The following CIROP variants were observed in gnomAD, a reference collection of about 807,000 sequenced individuals.
CIROP encodes ciliated left-right organizer metallopeptidase.
the CIROP span, chr14:23,104,746 G>A: frequency 1.4e-6 from 1 of 702,916 alleles, no homozygotes; most frequent in South Asian, 1.5e-5. Flanking sequence ...AGGGGTTGAG[G>A]ATCACGGGAG....
chr14:23,104,408 G>T, the CIROP span: 6 of 702,884 alleles, frequency 8.5e-6, no homozygotes, highest in Non-Finnish European at 1.6e-5. Context: ...GGCTATCTGG[G>T]TCTCCCCAGA....
the CIROP span, chr14:23,100,562 A>C: frequency 2.5e-6 from 1 of 407,246 alleles, no homozygotes. Flanking sequence ...TTTTTTCTGG[A>C]GAGTCAGAGT....
chr14:23,103,342 A>T, the CIROP span: 5 of 367,554 alleles, frequency 1.4e-5, no homozygotes, highest in Non-Finnish European at 2.4e-5. Flanking sequence ...TGAGCCCAAG[A>T]GTTTGAGACA....
the CIROP span, chr14:23,102,015 A>AC: frequency 1.7e-5 from 12 of 699,806 alleles, no homozygotes; most frequent in Non-Finnish European, 3.1e-5. Context: ...AGCAACAGAC[A>AC]CCCCTCCAGC....
At chr14:23,102,772 C>T in the CIROP span, 2 of 700,854 alleles carry the variant, frequency 2.9e-6, no homozygotes, top group Non-Finnish European at 5.2e-6. Flanking sequence ...TGACCAAACA[C>T]TCTATAACCC....
At chr14:23,100,563 G>A in the CIROP span, 5 of 407,100 alleles carry the variant, frequency 1.2e-5, no homozygotes, top group Non-Finnish European at 2.2e-5. Flanking sequence ...TTTTTCTGGA[G>A]AGTCAGAGTC....
the CIROP span, chr14:23,103,736 A>C: frequency 4.9e-4 from 347 of 702,934 alleles, 3 homozygotes; most frequent in South Asian, 4.4e-3. Context: ...AGTGTTTTGG[A>C]CCCCAGGCCC....
chr14:23,101,331 G>A, the CIROP span: 10 of 517,114 alleles, frequency 1.9e-5, no homozygotes, highest in East Asian at 2.1e-4. Context: ...CCCAAGGCGA[G>A]CCCTCCACCT....
chr14:23,103,881 G>T, the CIROP span: 30 of 665,082 alleles, frequency 4.5e-5, no homozygotes, highest in Admixed American at 6.6e-5. Flanking sequence ...TGGGTATGAG[G>T]AGTAGGGGAG....
At chr14:23,101,791 C>T in the CIROP span, 2 of 702,706 alleles carry the variant, frequency 2.8e-6, no homozygotes, top group East Asian at 2.7e-5. Flanking sequence ...GGTAGAGTGA[C>T]ACTAGAATCA....
chr14:23,101,933 AAG>A, the CIROP span: 1 of 701,598 alleles, frequency 1.4e-6, no homozygotes, highest in Non-Finnish European at 2.6e-6. Context: ...ATGAGAAGGA[AAG>A]AGAGCCCTCA....
At chr14:23,101,852 A>G in the CIROP span, 1 of 702,874 alleles carries the variant, frequency 1.4e-6, no homozygotes, top group South Asian at 1.5e-5. Context: ...CTGCCAGTAC[A>G]GAAGAAGTCT....
chr14:23,103,385 A>G, the CIROP span: 1 of 384,944 alleles, frequency 2.6e-6, no homozygotes, highest in Non-Finnish European at 4.6e-6. Context: ...CCCCGTCTCT[A>G]CAAAAAAAAA....
At chr14:23,104,132 C>G in the CIROP span, 1 of 591,416 alleles carries the variant, frequency 1.7e-6, no homozygotes, top group South Asian at 2.1e-5. Context: ...TCTTCCGTCC[C>G]CTTCTTCCCT....
the CIROP span, chr14:23,101,194 T>C: frequency 1.7e-5 from 7 of 416,814 alleles, no homozygotes; most frequent in East Asian, 1.7e-4. Flanking sequence ...TTAGGAAAAC[T>C]GTATGCACAT....
the CIROP span, chr14:23,100,165 A>G: frequency 5.3e-6 from 1 of 189,802 alleles, no homozygotes; most frequent in Non-Finnish European, 1.1e-5. Context: ...GAGGTGGGGG[A>G]ATCACTTGAG....
At chr14:23,104,475 G>A in the CIROP span, 1 of 703,006 alleles carries the variant, frequency 1.4e-6, no homozygotes, top group South Asian at 1.5e-5. Context: ...TTGCACTGGA[G>A]GGACTTGATA....
At chr14:23,100,033 GGTTGCTT>G in the CIROP span, 1 of 165,022 alleles carries the variant, frequency 6.1e-6, no homozygotes, top group East Asian at 1.9e-4. Flanking sequence ...GAGGCCGGTG[GGTTGCTT>G]TAGCTCAGGA....
At chr14:23,101,869 C>G in the CIROP span, 1 of 702,702 alleles carries the variant, frequency 1.4e-6, no homozygotes, top group Non-Finnish European at 2.6e-6. Flanking sequence ...GTCTGAGGAG[C>G]CAGTCCCACA....
Sources: allele counts gnomAD v4.1 joint callset, GRCh38; gene constraint gnomAD v4.1.1; transcripts MANE v1.5; gene names NCBI Gene and HGNC (gene_info 2026-07-23, HGNC 2026-07-21).